The following EPB41 variants were observed in gnomAD, a reference collection of about 807,000 sequenced individuals.
The protein encoded by EPB41 is erythrocyte membrane protein band 4.1.
Under a neutral mutation model 108.0 loss-of-function variants are expected in EPB41, and 65 were observed. That is an observed-to-expected ratio of 0.60 (90% CI 0.49 to 0.74). The LOEUF is 0.74. Ranked by LOEUF, EPB41 falls within the 30% of genes least tolerant of loss-of-function variation. EPB41 has a pLI of 0.00. For missense variants in EPB41, 875 were observed against 1,037.0 expected, an observed-to-expected ratio of 0.84 and a Z score of 2.15; for synonymous variants, 336 against 358.9, an observed-to-expected ratio of 0.94 and a Z score of 0.72.
At chr1:29,070,484 A>G in intron 16 of EPB41, 1 of 1,232,116 alleles carries the variant, frequency 8.1e-7, no homozygotes, top group Non-Finnish European at 1.0e-6. Flanking sequence ...TTCTATTCCA[A>G]TCCCTGAGGA....
At position 29,028,992 on chromosome 1, in the gene EPB41, T is replaced by A. The variant is rs182785905; in HGVS notation, c.1125-1408T>A. 4.4e-3 allele frequency among the ~76,000 whole-genome samples: 664 copies of A among 151,440 alleles called. 5 individuals are homozygous for A. Among genetic ancestry groups the A allele is most frequent in the Non-Finnish European group, 7.4e-3 (501 of 67,920 alleles). ...GGGAAGTGGAGGTTGCAGTGAGCTG[T>A]GTTTGCACCATTGCACTGCACCCTG... On this transcript the variant is annotated intron_variant, in intron 7 of 20. Coordinates refer to ENST00000343067, the MANE Select transcript of EPB41 (RefSeq NM_001376013.1).
intron 16 of EPB41, among the ~76,000 whole-genome samples, chr1:29,091,404 C>T (rs978353428): frequency 6.6e-6 from 1 of 152,150 alleles, no homozygotes; most frequent in African/African-American, 2.4e-5. Flanking sequence ...ACCAGCTGAT[C>T]TATTTTTGGA....
In EPB41 at chr1:28,887,752, G is replaced by T. The variant is rs1381414444; in HGVS notation, c.-8+542G>T. 1.1e-6 allele frequency: 1 copy of T among 937,094 alleles called. No individual in the cohort carries two copies. Among genetic ancestry groups the T allele is most frequent in the Non-Finnish European group, 1.3e-6 (1 of 785,796 alleles). 58.0% of individuals were successfully genotyped at this position (937,094 alleles called of 1,614,324 possible). The stretch of plus-strand genomic sequence containing the variant: ...GAACCGACCCGCCAGCTGGGGCGCC[G>T]GCTGTGCCCGCCAGGGTGGCCCCCC... On this transcript the variant is annotated intron_variant, in intron 1 of 16. Transcript: ENST00000347529. This position sits in a 1 kb window ranked among gnomAD's most constrained non-coding sequence, Gnocchi z 4.9.
At position 29,006,032 on chromosome 1, in the gene EPB41, A is replaced by T. The variant is rs1012157113; in HGVS notation, c.787-5833A>T. ...GAATCCATACCACTGAAAATATTCA[A>T]ATAGAACTAGATTATTCAGAATTAC... On this transcript the variant is annotated intron_variant, in intron 4 of 20. Coordinates refer to ENST00000343067, the MANE Select transcript of EPB41 (RefSeq NM_001376013.1). 4.6e-5 allele frequency among the ~76,000 whole-genome samples: 7 copies of T among 152,334 alleles called. No homozygotes were observed. The South Asian group carries it at 1.4e-3, about 32-fold the overall frequency.
Position 29,070,283 on chromosome 1 carries a change from C to T in EPB41, c.2184+5125C>T, listed in dbSNP as rs76095090. 3.5e-3 allele frequency: 3,589 copies of T among 1,040,232 alleles called. 86 individuals carry two copies. In the African/African-American group the frequency reaches 0.052, roughly 15 times the overall value. The allele number at this position is 1,040,232 out of a possible 1,614,324, so 64.4% of individuals were successfully genotyped here. ...TACTTCCAAATCCTTTGCACATCCC[C>T]AAGTATCATTTTTGAGCATTTTCCA... On this transcript the variant is annotated intron_variant, in intron 16 of 20. Transcript: ENST00000343067.
At chr1:28,921,063 C>G (rs1170558197) in intron 1 of EPB41, among the ~76,000 whole-genome samples, 2 of 152,164 alleles carry the variant, frequency 1.3e-5, no homozygotes, top group East Asian at 1.9e-4. Context: ...GCCATCACAT[C>G]TAGCTAATAG....
chr1:28,982,016 G>A (rs2095759515), intron 1 of EPB41, among the ~76,000 whole-genome samples: 1 of 151,786 alleles, frequency 6.6e-6, no homozygotes, highest in East Asian at 1.9e-4. Flanking sequence ...TTTAGCATTA[G>A]GTATATCTCC....
chr1:29,119,828 TA>T lies in EPB41; in HGVS notation c.*3020del, dbSNP rs1404516498. 2.1e-5 allele frequency: 3 copies of T among 142,678 alleles called. No individual in the cohort carries two copies. The highest frequency in any genetic ancestry group is 2.0e-4 in the East Asian group (1 of 4,964). 8.8% of individuals were successfully genotyped at this position (142,678 alleles called of 1,614,324 possible). ...ATGAAGGAGCTTTGTAAATTTTTTT[TA>T]AAATTATGAATCATATCAAGTAGTT... On this transcript the variant is annotated 3_prime_UTR_variant, in exon 21 of 21. Transcript: ENST00000343067.
intron 15 of EPB41, among the ~76,000 whole-genome samples, chr1:29,061,593 T>TG (rs1300510679): frequency 6.9e-6 from 1 of 143,968 alleles, no homozygotes; most frequent in African/African-American, 2.6e-5. Flanking sequence ...TTTTTTTTTT[T>TG]TTTTTGAGGC....
At chr1:28,977,824 A>G (rs973259352) in intron 1 of EPB41, among the ~76,000 whole-genome samples, 1 of 151,932 alleles carries the variant, frequency 6.6e-6, no homozygotes, top group Admixed American at 6.6e-5. Context: ...CTAGAGAAGT[A>G]TATTTGAGCT....
At chr1:28,894,086 T>C (rs2090418825) in intron 1 of EPB41, among the ~76,000 whole-genome samples, 1 of 152,196 alleles carries the variant, frequency 6.6e-6, no homozygotes. Context: ...AATAGAATCC[T>C]TTTTCTGTTG....
At chr1:29,045,643 C>T (rs1642935207) in intron 11 of EPB41, among the ~76,000 whole-genome samples, 1 of 150,292 alleles carries the variant, frequency 6.7e-6, no homozygotes, top group Admixed American at 6.7e-5. Flanking sequence ...GAGTGAGCCA[C>T]CACACCCAGC....
At chr1:29,024,458 C>G (rs2096691267) in intron 7 of EPB41, among the ~76,000 whole-genome samples, 1 of 151,570 alleles carries the variant, frequency 6.6e-6, no homozygotes, top group Admixed American at 6.6e-5. Flanking sequence ...ATGGTGAAAC[C>G]CTGTCTCTAC....
intron 1 of EPB41, among the ~76,000 whole-genome samples, chr1:28,939,713 G>A (rs2094196935): frequency 6.6e-6 from 1 of 152,202 alleles, no homozygotes; most frequent in Non-Finnish European, 1.5e-5. Context: ...AAAGTGCTGG[G>A]ATTACAGGCG....
intron 1 of EPB41, among the ~76,000 whole-genome samples, chr1:28,945,744 T>A (rs552785702): frequency 1.3e-5 from 2 of 152,368 alleles, no homozygotes; most frequent in Admixed American, 6.5e-5. Flanking sequence ...TTTATTTCTC[T>A]TGTGTATTTT....
At chr1:28,956,740 T>C (rs2094962763) in intron 1 of EPB41, among the ~76,000 whole-genome samples, 1 of 152,234 alleles carries the variant, frequency 6.6e-6, no homozygotes, top group Non-Finnish European at 1.5e-5. Flanking sequence ...AAGCACCTAC[T>C]ATACAGTTCT....
Position 28,891,416 on chromosome 1 carries a change from A to G in EPB41, c.-8+4206A>G, listed in dbSNP as rs966512608. 3.9e-5 allele frequency among the ~76,000 whole-genome samples: 6 copies of G among 152,208 alleles called. No individual in the cohort carries two copies. The East Asian group carries it at 1.2e-3, about 29-fold the overall frequency. On this transcript the variant is annotated intron_variant, in intron 1 of 16. Transcript: ENST00000347529. ...TCTGGGGCTGTTCAGCCAGTACCCC[A>G]GAGACTGAAGGGAAATAAACCAAGG...
intron 16 of EPB41, among the ~76,000 whole-genome samples, chr1:29,088,331 G>A (rs1343835052): frequency 6.6e-6 from 1 of 152,094 alleles, no homozygotes; most frequent in Non-Finnish European, 1.5e-5. Context: ...ACAGGTGTGA[G>A]CCCCTGCACC....
intron 1 of EPB41, among the ~76,000 whole-genome samples, chr1:28,928,861 C>T (rs1378955090): frequency 6.6e-6 from 1 of 152,026 alleles, no homozygotes; most frequent in Admixed American, 6.5e-5. Context: ...ATTCAAGGTC[C>T]TTGGGTTTGT....
Sources: gnomAD v4.1 joint callset for allele counts (sites outside exome capture counted in the v4.1 genomes callset) on GRCh38, gnomAD v4.1.1 for gene constraint, Gnocchi (gnomAD v3.1) non-coding constraint, MANE v1.5 for transcripts, NCBI Gene and HGNC (gene_info 2026-07-23, HGNC 2026-07-21) for gene names.